SLC9A4: variants seen among roughly 807,000 people sequenced by gnomAD.
SLC9A4 encodes sodium/hydrogen exchanger 4.
SLC9A4 carries 63 observed loss-of-function variants against 67.4 expected under a neutral mutation model. That is an observed-to-expected ratio of 0.93 (90% CI 0.76 to 1.15). The LOEUF is 1.15. SLC9A4 is among the 50% of genes most tolerant of loss of function. The probability of loss-of-function intolerance (pLI) is 0.00; values close to 1 mark genes in which losing one functional copy is unlikely to be tolerated. For missense variants in SLC9A4, 1,089 were observed against 987.7 expected, an observed-to-expected ratio of 1.10 and a Z score of -1.38; for synonymous variants, 393 against 367.2, an observed-to-expected ratio of 1.07 and a Z score of -0.80.
intron 2 of SLC9A4, among the ~76,000 whole-genome samples, chr2:102,502,994 A>G (rs1684973633): frequency 6.6e-6 from 1 of 152,044 alleles, no homozygotes; most frequent in Non-Finnish European, 1.5e-5. Flanking sequence ...CACGTGGCTG[A>G]CTCTCCCCAC....
Position 102,532,532 on chromosome 2 carries a change from C to G in SLC9A4, c.2241C>G (p.Pro747=), listed in dbSNP as rs1674799798. 1.9e-6 allele frequency: 3 copies of G among 1,613,994 alleles called. No individual in the cohort carries two copies. Among genetic ancestry groups the G allele is most frequent in the Non-Finnish European group, 2.5e-6 (3 of 1,179,958 alleles). ...LGGVRRVALR[P]KPLFHAVDEE... ...GAGTAAGGAGGGTGGCCTTAAGACCCAAACCTCTGTTTCATGCAGTGGATG... is the reference window on the plus strand; with the variant it reads ...GAGTAAGGAGGGTGGCCTTAAGACCGAAACCTCTGTTTCATGCAGTGGATG... The change falls in exon 12 of 12, where the codon CCC becomes CCG. Residue 747 remains proline (P), a synonymous_variant. Coordinates refer to ENST00000295269, the MANE Select transcript of SLC9A4 (RefSeq NM_001011552.4).
chr2:102,504,246 G>T (rs1685003888), intron 3 of SLC9A4, among the ~76,000 whole-genome samples: 1 of 152,106 alleles, frequency 6.6e-6, no homozygotes, highest in African/African-American at 2.4e-5. Flanking sequence ...TGGCGACGGG[G>T]TTTCACCATG....
chr2:102,479,312 C>A lies in SLC9A4; in HGVS notation c.720+10C>A. 1 of 1,595,242 alleles carries A rather than the reference C, an allele frequency of 6.3e-7. No homozygotes were observed. Among genetic ancestry groups the A allele is most frequent in the Middle Eastern group, 1.7e-4 (1 of 6,026 alleles). ...TGATGGCATTACTGTGGTGAGATGT[C>A]ATGTGCCCGCCCGGCTTCCGGGGGA... On this transcript the variant is annotated intron_variant, in intron 2 of 11. Coordinates refer to ENST00000295269, the MANE Select transcript of SLC9A4 (RefSeq NM_001011552.4).
intron 2 of SLC9A4, among the ~76,000 whole-genome samples, chr2:102,500,140 G>T (rs1012970075): frequency 2.0e-5 from 3 of 152,180 alleles, no homozygotes; most frequent in Admixed American, 6.5e-5. Context: ...CTAATCCAAT[G>T]CCTGATGTCC....
At chr2:102,527,075 CT>C (rs890697625) in intron 11 of SLC9A4, among the ~76,000 whole-genome samples, 2 of 152,002 alleles carry the variant, frequency 1.3e-5, no homozygotes, top group African/African-American at 4.8e-5. Flanking sequence ...CAAAATGAAA[CT>C]TTTTTTCTGA....
At chr2:102,494,446 T>TA (rs1448897725) in intron 2 of SLC9A4, among the ~76,000 whole-genome samples, 1 of 151,852 alleles carries the variant, frequency 6.6e-6, no homozygotes, top group African/African-American at 2.4e-5. Flanking sequence ...GAAGGGAAAA[T>TA]AAAAAAATAT....
rs186420949 is a variant in SLC9A4, at chr2:102,526,919, C to T, written c.2038+573C>T. ...TGTGTATAAAATGATTTGCTATTAG[C>T]AAAAGGTGACATAATATATGTAATA... is the stretch of plus-strand genomic sequence containing the variant. On this transcript the variant is annotated intron_variant, in intron 11 of 11. Transcript: ENST00000295269. Among the ~76,000 whole-genome samples the T allele has an allele frequency of 4.5e-4, 69 of 152,176 alleles. No individual in the cohort carries two copies. The East Asian group carries it at 0.013, about 29-fold the overall frequency.
chr2:102,508,073 T>G lies in SLC9A4; in HGVS notation c.1199-6T>G, dbSNP rs769265824. 3 of 1,613,918 alleles carry G rather than the reference T, an allele frequency of 1.9e-6. No individual in the cohort carries two copies. In the East Asian group the frequency reaches 6.7e-5, roughly 36 times the overall value. On this transcript the variant is annotated splice_region_variant and splice_polypyrimidine_tract_variant and intron_variant, in intron 4 of 11. Coordinates refer to ENST00000295269, the MANE Select transcript of SLC9A4 (RefSeq NM_001011552.4). ...TCTGCTCTAATACACGTTTCCCCCT[T>G]TCTAGGCGTATTTGCTCTCTTCTAT...
At chr2:102,487,379 G>A (rs967193129) in intron 2 of SLC9A4, among the ~76,000 whole-genome samples, 5 of 152,138 alleles carry the variant, frequency 3.3e-5, no homozygotes, top group African/African-American at 1.2e-4. Context: ...GTTGCAGGGG[G>A]CAGAGGTTCA....
chr2:102,522,678 A>C (rs923681832), intron 9 of SLC9A4, among the ~76,000 whole-genome samples: 3 of 152,192 alleles, frequency 2.0e-5, no homozygotes, highest in Non-Finnish European at 4.4e-5. Context: ...AACAATTGTA[A>C]AAGTTTGTCT....
Position 102,532,802 on chromosome 2 carries a change from TA to T in SLC9A4, c.*115del. On this transcript the variant is annotated 3_prime_UTR_variant, in exon 12 of 12. Transcript: ENST00000295269. ...GCTATTGAGTTTGCTGTGTTGAAGCTATTAAACATGGATCTATAAGCAGCAG... is the reference window on the plus strand; with the variant it reads ...GCTATTGAGTTTGCTGTGTTGAAGCTTTAAACATGGATCTATAAGCAGCAG... 8.9e-7 allele frequency: 1 copy of T among 1,127,256 alleles called. No individual in the cohort carries two copies. The highest frequency in any genetic ancestry group is 1.2e-6 in the Non-Finnish European group (1 of 801,258). 69.8% of individuals were successfully genotyped at this position (1,127,256 alleles called of 1,614,324 possible). A position where few individuals can be genotyped will look rare whatever the true frequency, so the allele number is the denominator to read the frequency against.
At chr2:102,521,539 T>A (rs1007682021) in intron 9 of SLC9A4, among the ~76,000 whole-genome samples, 2 of 152,166 alleles carry the variant, frequency 1.3e-5, no homozygotes, top group Non-Finnish European at 2.9e-5. Context: ...CTTTGCTTAC[T>A]CCGTAAGTCA....
chr2:102,532,393 C>A lies in SLC9A4; in HGVS notation c.2102C>A (p.Ser701Ter). The change falls in exon 12 of 12, where the codon TCA (serine) becomes TAA (stop). Residue 701 changes from serine (S) to a stop codon, truncating the protein, a stop_gained. Coordinates refer to ENST00000295269, the MANE Select transcript of SLC9A4 (RefSeq NM_001011552.4). LOFTEE classifies it low-confidence loss of function (END_TRUNC). ...TTCAGCGCATGCTCTCGGATAGGGT[C>A]ACTTCAGAAGCAAGAGGCACAAGAA... ...ITFSACSRIGSLQKQEAQEII... is the reference protein window; with the variant it reads ...ITFSACSRIG The A allele has an allele frequency of 6.2e-7, 1 of 1,614,152 alleles. No homozygotes were observed. The highest frequency in any genetic ancestry group is 1.1e-5 in the South Asian group (1 of 91,070).
chr2:102,500,203 G>A (rs1350173878), intron 2 of SLC9A4, among the ~76,000 whole-genome samples: 1 of 152,194 alleles, frequency 6.6e-6, no homozygotes, highest in African/African-American at 2.4e-5. Context: ...ACCAGGTGAA[G>A]ACGCAGGCAG....
chr2:102,529,529 G>A (rs1289256508), intron 11 of SLC9A4, among the ~76,000 whole-genome samples: 3 of 152,270 alleles, frequency 2.0e-5, no homozygotes, highest in East Asian at 1.9e-4. Context: ...CTGTGGTTAC[G>A]ATTTATGAAA....
In SLC9A4 at chr2:102,525,076, C is replaced by T. The variant is rs762824094; in HGVS notation, c.1871C>T (p.Ala624Val). Residue 624 changes from alanine (A) to valine (V), a missense_variant, in exon 10 of 12, where the codon GCT (alanine) becomes GTT (valine). Physicochemically the swap from Ala to Val is moderately conservative, Grantham distance 64. Coordinates refer to ENST00000295269, the MANE Select transcript of SLC9A4 (RefSeq NM_001011552.4). Reference protein sequence around the residue: ...NLKPQTSEKQAKEILIRRQNT... With the variant: ...NLKPQTSEKQVKEILIRRQNT... ...AAACCCCAAACAAGTGAGAAGCAGG[C>T]TAAAGAGATTCTGATCCGCCGCCAG... 6.2e-7 allele frequency: 1 copy of T among 1,614,042 alleles called. No individual in the cohort carries two copies. Among genetic ancestry groups the T allele is most frequent in the South Asian group, 1.1e-5 (1 of 91,078 alleles).
chr2:102,474,332 T>C (rs886914447), intron 1 of SLC9A4, among the ~76,000 whole-genome samples: 1 of 152,156 alleles, frequency 6.6e-6, no homozygotes, highest in Non-Finnish European at 1.5e-5. Flanking sequence ...ATATAGAGAA[T>C]AAAGCACGTA....
Position 102,514,168 on chromosome 2 carries a change from G to C in SLC9A4, c.1638G>C (p.Leu546Phe). ...KNLPKSSIVS[L>F]YKKLEMKQAI... Reference sequence around the variant, plus strand: ...TACCCAAATCAAGCATTGTTTCTTTGTACAAGAAGCTGGAAATGAAGCAAG... The same window carrying C: ...TACCCAAATCAAGCATTGTTTCTTTCTACAAGAAGCTGGAAATGAAGCAAG... Residue 546 changes from leucine to phenylalanine, a missense_variant, in exon 8 of 12, where the codon TTG becomes TTC. Transcript: ENST00000295269. The C allele has an allele frequency of 6.2e-7, 1 of 1,614,036 alleles. No individual in the cohort carries two copies. Among genetic ancestry groups the C allele is most frequent in the Non-Finnish European group, 8.5e-7 (1 of 1,180,000 alleles).
At chr2:102,527,348 C>T (rs534393129) in intron 11 of SLC9A4, among the ~76,000 whole-genome samples, 1 of 152,078 alleles carries the variant, frequency 6.6e-6, no homozygotes, top group African/African-American at 2.4e-5. Context: ...TTATAAATTG[C>T]CTAGTTCACT....
Sources: gnomAD v4.1 joint callset for allele counts (sites outside exome capture counted in the v4.1 genomes callset) on GRCh38, gnomAD v4.1.1 for gene constraint, MANE v1.5 for transcripts, NCBI Gene and HGNC (gene_info 2026-07-23, HGNC 2026-07-21) for gene names.